Variants in KRI1 observed in about 807,000 individuals in gnomAD.
KRI1 encodes the protein protein KRI1 homolog.
A neutral mutation model predicts 97.0 loss-of-function variants in KRI1; 83 were observed. That is an observed-to-expected ratio of 0.86 (90% CI 0.72 to 1.03). The LOEUF is 1.03. KRI1 is among the 50% of genes least tolerant of loss of function. KRI1 has a pLI of 0.00. For missense variants in KRI1, 916 were observed against 928.4 expected, an observed-to-expected ratio of 0.99 and a Z score of 0.17; for synonymous variants, 371 against 363.5, an observed-to-expected ratio of 1.02 and a Z score of -0.23.
rs750034309 is a variant in KRI1, at chr19:10,565,985, G to T, written c.15C>A (p.Arg5=). Residue 5 remains arginine (R), a synonymous_variant, in exon 1 of 19, where the codon CGC becomes CGA. Coordinates refer to ENST00000312962, the MANE Select transcript of KRI1 (RefSeq NM_023008.5). ...CGTTCACCCGCAGCTGCGACGACCC[G>T]CGCGGTTCCGGCATGGCGGTTCTGT... is the stretch of plus-strand genomic sequence containing the variant. MPEP[R]GSSQLRVNAA... 16 of 1,522,074 alleles carry T rather than the reference G, an allele frequency of 1.1e-5. No homozygotes were observed. In the South Asian group the frequency reaches 1.8e-4, roughly 17 times the overall value. The allele number at this position is 1,522,074 out of a possible 1,614,324, so 94.3% of individuals were successfully genotyped here. A position where few individuals can be genotyped will look rare whatever the true frequency, so the allele number is the denominator to read the frequency against.
Position 10,560,435 on chromosome 19 carries a change from T to C in KRI1, c.677A>G (p.Glu226Gly), listed in dbSNP as rs555039641. Residue 226 changes from glutamate to glycine, a missense_variant, in exon 9 of 19, where the codon GAA becomes GGA. By Grantham distance (98) the Glu-to-Gly change is moderately conservative. Coordinates refer to ENST00000312962, the MANE Select transcript of KRI1 (RefSeq NM_023008.5). ...ATCCAACTCAGGGTCGTTCCAGTATTCCTTGAGATGCGTCTGGGGGTGACA... is the reference window on the plus strand; with the variant it reads ...ATCCAACTCAGGGTCGTTCCAGTATCCCTTGAGATGCGTCTGGGGGTGACA... ...DSLKELTHLK[E>G]YWNDPELDEG... is the part of the protein sequence containing the mutation. 1 of 1,612,306 alleles carries C rather than the reference T, an allele frequency of 6.2e-7. No homozygotes were observed. Among genetic ancestry groups the C allele is most frequent in the African/African-American group, 1.3e-5 (1 of 74,986 alleles).
Position 10,565,704 on chromosome 19 carries a change from CG to C in KRI1, c.168+12del. ...ACGCCTCCGCACGTCCAGGACGGGG[CG>C]GGGACGCGCACCACGCGCTCGTCGC... On this transcript the variant is annotated intron_variant, in intron 2 of 18. Coordinates refer to ENST00000312962, the MANE Select transcript of KRI1 (RefSeq NM_023008.5). 1.3e-6 allele frequency: 2 copies of C among 1,559,878 alleles called. No homozygotes were observed. Among genetic ancestry groups the C allele is most frequent in the African/African-American group, 1.4e-5 (1 of 72,200 alleles).
intron 14 of KRI1, 37 bp from the exon 15 acceptor site, chr19:10,557,932 C>G: frequency 6.2e-7 from 1 of 1,613,776 alleles, no homozygotes; most frequent in East Asian, 2.2e-5. Flanking sequence ...ACCAGCCCCC[C>G]GTCAGGGCCC....
chr19:10,564,460 CA>C (rs71162096), intron 3 of KRI1, among the ~76,000 whole-genome samples: 61,518 of 143,134 alleles, frequency 0.43, 13,095 homozygotes, highest in Non-Finnish European at 0.49. Flanking sequence ...AACTCCATTT[CA>C]AAAAAAAAAA....
chr19:10,558,317 C>T (rs1327314950), intron 12 of KRI1, 78 bp from the exon 13 acceptor site: 2 of 1,406,246 alleles, frequency 1.4e-6, no homozygotes, highest in African/African-American at 1.4e-5. Context: ...CGCCAATGAC[C>T]CCCTCCTTGG....
At chr19:10,558,103 T>C (rs772844386) in intron 13 of KRI1, 43 bp from the exon 14 acceptor site, 19 of 1,612,840 alleles carry the variant, frequency 1.2e-5, no homozygotes, top group East Asian at 2.2e-5. Context: ...GGGTGGGACC[T>C]TGGGCTTCAG....
At chr19:10,558,117 C>T in intron 13 of KRI1, 47 bp downstream of exon 13, 2 of 1,612,050 alleles carry the variant, frequency 1.2e-6, no homozygotes, top group South Asian at 2.2e-5. Context: ...GCTTCAGTCC[C>T]AGTCCCCAGT....
intron 3 of KRI1, among the ~76,000 whole-genome samples, chr19:10,563,496 C>T (rs528402373): frequency 6.6e-6 from 1 of 151,782 alleles, no homozygotes; most frequent in East Asian, 1.9e-4. Flanking sequence ...CGGGTGTGCA[C>T]CACCACGCCC....
Position 10,553,965 on chromosome 19 carries a change from T to C in KRI1, c.2098A>G (p.Lys700Glu). The part of the protein sequence containing the change: ...GRQRRKQQGP[K>E]NSS Reference sequence around the variant, plus strand: ...CTCCCTGGTGCTCAGGAGCTGTTCTTGGGCCCCTGTTGTTTCCTCCGCTGC... The same window carrying C: ...CTCCCTGGTGCTCAGGAGCTGTTCTCGGGCCCCTGTTGTTTCCTCCGCTGC... The change falls in exon 19 of 19, where the codon AAG becomes GAG. Residue 700 changes from lysine to glutamate, a missense_variant. This residue lies in a region of KRI1 where 672 missense variants were observed against 667.2 expected (regional missense o/e 1.01). Coordinates refer to ENST00000312962, the MANE Select transcript of KRI1 (RefSeq NM_023008.5). 6.2e-7 allele frequency: 1 copy of C among 1,605,466 alleles called. No homozygotes were observed. The highest frequency in any genetic ancestry group is 8.5e-7 in the Non-Finnish European group (1 of 1,175,390).
intron 16 of KRI1, among the ~76,000 whole-genome samples, chr19:10,557,180 T>C (rs1464137695): frequency 1.3e-5 from 2 of 149,944 alleles, no homozygotes; most frequent in African/African-American, 4.9e-5. Flanking sequence ...TCTCGGCTCA[T>C]TGCAACCTCT....
Position 10,559,661 on chromosome 19 carries a change from A to C in KRI1, c.975T>G (p.Asp325Glu). ...RSIASSVRRK[D>E]ERRKEKREET... ...CTTCCCTCTTCTCCTTTCTGCGCTCATCCTTACGGCGCACGGAGGACGCGA... is the reference window on the plus strand; with the variant it reads ...CTTCCCTCTTCTCCTTTCTGCGCTCCTCCTTACGGCGCACGGAGGACGCGA... The change falls in exon 11 of 19, where the codon GAT becomes GAG. Residue 325 changes from aspartate (D) to glutamate (E), a missense_variant. Coordinates refer to ENST00000312962, the MANE Select transcript of KRI1 (RefSeq NM_023008.5). 1 of 1,613,536 alleles carries C rather than the reference A, an allele frequency of 6.2e-7. No individual in the cohort carries two copies. The highest frequency in any genetic ancestry group is 8.5e-7 in the Non-Finnish European group (1 of 1,179,936).
chr19:10,558,945 T>A (rs1916604928), intron 12 of KRI1, among the ~76,000 whole-genome samples: 1 of 151,666 alleles, frequency 6.6e-6, no homozygotes, highest in Non-Finnish European at 1.5e-5. Context: ...GACCTCGTGA[T>A]CCGCCTGCCT....
In KRI1 at chr19:10,554,190, C is replaced by G. The variant is rs751001019; in HGVS notation, c.1873G>C (p.Gly625Arg). Residue 625 changes from glycine (G) to arginine (R), a missense_variant, in exon 19 of 19, where the codon GGG becomes CGG. Physicochemically the swap from Gly to Arg is moderately radical, Grantham distance 125. Transcript: ENST00000312962. ...QLPALDGSLM[G>R]PESPPAQEEE... ...TCCTGTGCTGGGGGACTCTCCGGCC[C>G]CATCAAGCTGCCATCAAGGGCTGGC... 1.1e-5 allele frequency: 18 copies of G among 1,613,866 alleles called. No homozygotes were observed. The highest frequency in any genetic ancestry group is 1.4e-5 in the Non-Finnish European group (17 of 1,180,012).
chr19:10,560,540 G>A (rs12609266), intron 8 of KRI1, 92 bp from the exon 9 acceptor site: 3 of 923,622 alleles, frequency 3.2e-6, no homozygotes, highest in South Asian at 1.6e-5. Flanking sequence ...CCAGCCTCTG[G>A]AGTAGGTGAC....
At chr19:10,557,935 C>T (rs200820597) in intron 14 of KRI1, 37 bp downstream of exon 14, 6 of 1,613,884 alleles carry the variant, frequency 3.7e-6, no homozygotes, top group Non-Finnish European at 5.1e-6. Context: ...AGCCCCCCGT[C>T]AGGGCCCCTG....
chr19:10,564,852 T>C, intron 3 of KRI1, 77 bp downstream of exon 3: 1 of 913,926 alleles, frequency 1.1e-6, no homozygotes, highest in Admixed American at 1.8e-5. Context: ...AAGTCACTTC[T>C]CTGAATCCAC....
At chr19:10,563,566 C>G (rs1444374897) in intron 3 of KRI1, among the ~76,000 whole-genome samples, 1 of 151,628 alleles carries the variant, frequency 6.6e-6, no homozygotes, top group African/African-American at 2.4e-5. Flanking sequence ...AGGCTGGTCT[C>G]GAACTCCTGA....
chr19:10,559,367 G>A lies in KRI1; in HGVS notation c.1186C>T (p.Leu396Phe), dbSNP rs141095275. Residue 396 changes from leucine to phenylalanine, a missense_variant, in exon 12 of 19, where the codon CTC (leucine) becomes TTC (phenylalanine). By Grantham distance (22) the Leu-to-Phe change is conservative. Around this residue, in one of 3 missense-constraint regions of KRI1, gnomAD observed 672 missense variants for 667.2 expected, o/e 1.01. Coordinates refer to ENST00000312962, the MANE Select transcript of KRI1 (RefSeq NM_023008.5). ...DDFDPAQHDQ[L>F]MQKCFGDEYY... The stretch of plus-strand genomic sequence containing the variant: ...CGGGATGAGGGCCGCACCTGCATGA[G>A]CTGGTCGTGCTGGGCAGGGTCGAAG... 3.7e-5 allele frequency: 60 copies of A among 1,613,652 alleles called. No individual in the cohort carries two copies. The highest frequency in any genetic ancestry group is 4.7e-5 in the Non-Finnish European group (56 of 1,179,828).
rs112414135 is a variant in KRI1, at chr19:10,559,891, G to A, written c.846C>T (p.Asp282=). 1.9e-3 allele frequency: 3,013 copies of A among 1,613,058 alleles called. 32 individuals carry two copies. In the African/African-American group the frequency reaches 0.03, roughly 16 times the overall value. The change falls in exon 10 of 19, where the codon GAC becomes GAT. Residue 282 remains aspartate (D), a synonymous_variant. Transcript: ENST00000312962. ...GTTTCTTCAGAAACAGCTCCCCTTC[G>A]TCTGAGGAGTCGTCCACAGCCAGCT... ...PVQLAVDDSS[D]EGELFLKKQE...
Sources: gnomAD v4.1 joint callset for allele counts (sites outside exome capture counted in the v4.1 genomes callset) on GRCh38, gnomAD v4.1.1 for gene constraint, gnomAD v4.1.1 regional missense constraint, MANE v1.5 for transcripts, NCBI Gene and HGNC (gene_info 2026-07-23, HGNC 2026-07-21) for gene names.